The following SHISAL2B variants were observed in gnomAD, a reference collection of about 807,000 sequenced individuals.
SHISAL2B encodes the protein shisa like 2B, also known as protein shisa-like-2B.
A neutral mutation model predicts 16.5 loss-of-function variants in SHISAL2B; 12 were observed. That is an observed-to-expected ratio of 0.73 (90% confidence interval 0.47 to 1.18). The LOEUF (loss-of-function observed/expected upper bound fraction) is 1.18. Ranked by LOEUF, SHISAL2B falls within the 50% of genes most tolerant of loss-of-function variation. The pLI, the probability that SHISAL2B is intolerant of heterozygous loss-of-function variation, is 0.00. For missense variants in SHISAL2B, 183 were observed against 193.6 expected, an observed-to-expected ratio of 0.95 and a Z score of 0.33; for synonymous variants, 72 against 75.0, an observed-to-expected ratio of 0.96 and a Z score of 0.21.
chr5:64,696,748 C>T (rs930564681), intron 2 of SHISAL2B, among the ~76,000 whole-genome samples: 9 of 152,278 alleles, frequency 5.9e-5, no homozygotes, highest in African/African-American at 2.2e-4. Context: ...GCTCTCGAAC[C>T]CTGTTTTCTG....
chr5:64,694,243 A>C (rs1741696766), intron 1 of SHISAL2B: 1 of 360,916 alleles, frequency 2.8e-6, no homozygotes, highest in Non-Finnish European at 5.4e-6. Flanking sequence ...ACATTTATTG[A>C]ACATTTTCTA....
chr5:64,695,356 T>G, intron 1 of SHISAL2B, 151 bp from the exon 2 acceptor site: 2 of 510,774 alleles, frequency 3.9e-6, no homozygotes, highest in Non-Finnish European at 6.6e-6. Flanking sequence ...AAAGGTGAAC[T>G]GTAGATTTCA....
At chr5:64,703,189 C>T (rs1213236412) in intron 2 of SHISAL2B, among the ~76,000 whole-genome samples, 2 of 152,138 alleles carry the variant, frequency 1.3e-5, no homozygotes, top group South Asian at 2.1e-4. Flanking sequence ...ATAGCCTTAA[C>T]GTCCTTTCAG....
At chr5:64,700,902 T>C (rs1436426471) in intron 2 of SHISAL2B, among the ~76,000 whole-genome samples, 1 of 152,128 alleles carries the variant, frequency 6.6e-6, no homozygotes, top group Non-Finnish European at 1.5e-5. Flanking sequence ...CAGTTCACAA[T>C]AGGGTTCATG....
intron 2 of SHISAL2B, among the ~76,000 whole-genome samples, chr5:64,711,244 T>C (rs1317853488): frequency 7.0e-6 from 1 of 142,418 alleles, no homozygotes; most frequent in Non-Finnish European, 1.5e-5. Flanking sequence ...GTTTTTAGCA[T>C]GAAGGGTTGT....
chr5:64,704,239 T>G (rs915543925), intron 2 of SHISAL2B, among the ~76,000 whole-genome samples: 15 of 152,210 alleles, frequency 9.9e-5, no homozygotes, highest in African/African-American at 3.6e-4. Context: ...CCAACATTCT[T>G]TTGATATTTT....
At chr5:64,716,200 G>C (rs1237219029) in intron 2 of SHISAL2B, among the ~76,000 whole-genome samples, 2 of 152,102 alleles carry the variant, frequency 1.3e-5, no homozygotes, top group African/African-American at 4.8e-5. Context: ...TCACTAAAAG[G>C]TGTTAATGTC....
At chr5:64,693,109 G>A (rs868542183) in intron 1 of SHISAL2B, among the ~76,000 whole-genome samples, 4 of 151,760 alleles carry the variant, frequency 2.6e-5, no homozygotes, top group Non-Finnish European at 5.9e-5. Flanking sequence ...CCGGGTTCAC[G>A]CCATTCTCCT....
At chr5:64,699,419 G>A (rs939571883) in intron 2 of SHISAL2B, among the ~76,000 whole-genome samples, 7 of 152,182 alleles carry the variant, frequency 4.6e-5, no homozygotes, top group Admixed American at 6.5e-5. Context: ...TGTACCCTTC[G>A]TTAAATATGC....
rs140851030 is a variant in SHISAL2B at position 64,692,147 on chromosome 5, T to G, written c.191+1333T>G. ...GGAAGAAATCTATATTGCACTGGTTTATTATCTGGCCTTTTGGAAAATAAC... is the reference window on the plus strand; with the variant it reads ...GGAAGAAATCTATATTGCACTGGTTGATTATCTGGCCTTTTGGAAAATAAC... On this transcript the variant is annotated intron_variant, in intron 1 of 2. Coordinates refer to ENST00000389074, the MANE Select transcript of SHISAL2B (RefSeq NM_001164442.2). Among the ~76,000 whole-genome samples, 33 of 152,304 alleles carry G rather than the reference T, an allele frequency of 2.2e-4. 1 individual carries two copies. The highest frequency in any genetic ancestry group is 7.7e-4 in the African/African-American group (32 of 41,564).
intron 2 of SHISAL2B, among the ~76,000 whole-genome samples, chr5:64,714,049 C>G (rs2112073751): frequency 2.0e-5 from 3 of 147,392 alleles, no homozygotes; most frequent in African/African-American, 7.9e-5. Flanking sequence ...TCGTCAAAAT[C>G]ATTCTCCATC....
In SHISAL2B at chr5:64,695,611, G is replaced by A; in HGVS notation, c.296G>A (p.Arg99Lys). Residue 99 changes from arginine (R) to lysine (K), a missense_variant, in exon 2 of 3, where the codon AGA becomes AAA. Transcript: ENST00000389074. The part of the protein sequence containing the change: ...CYLFLYTKPQ[R>K]LDTGLKLQHL... Reference sequence around the variant, plus strand: ...TTATTTCTGTATACGAAACCTCAAAGATTAGACACTGGCCTTAAGCTTCAA... The same window carrying A: ...TTATTTCTGTATACGAAACCTCAAAAATTAGACACTGGCCTTAAGCTTCAA... The A allele has an allele frequency of 6.5e-7, 1 of 1,536,692 alleles. No individual in the cohort carries two copies. Among genetic ancestry groups the A allele is most frequent in the Non-Finnish European group, 8.7e-7 (1 of 1,146,602 alleles).
At chr5:64,712,805 G>T (rs1487940355) in intron 2 of SHISAL2B, among the ~76,000 whole-genome samples, 3 of 151,584 alleles carry the variant, frequency 2.0e-5, no homozygotes, top group African/African-American at 7.3e-5. Context: ...GGCCTTCTTT[G>T]TCTCTTTTGA....
chr5:64,696,730 G>T (rs569766439), intron 2 of SHISAL2B, among the ~76,000 whole-genome samples: 2 of 152,224 alleles, frequency 1.3e-5, no homozygotes, highest in South Asian at 4.2e-4. Context: ...AGGTCAGACC[G>T]GTTCTCTGCT....
At chr5:64,697,818 T>C (rs1741759047) in intron 2 of SHISAL2B, among the ~76,000 whole-genome samples, 1 of 152,232 alleles carries the variant, frequency 6.6e-6, no homozygotes, top group Non-Finnish European at 1.5e-5. Flanking sequence ...TTTAGCTGCA[T>C]CCTAAAACTT....
intron 2 of SHISAL2B, among the ~76,000 whole-genome samples, 178 bp from the exon 3 acceptor site, chr5:64,717,711 C>T (rs1742076854): frequency 6.6e-6 from 1 of 152,124 alleles, no homozygotes; most frequent in Non-Finnish European, 1.5e-5. Flanking sequence ...CCTTATTTGA[C>T]TTTCATAAGG....
chr5:64,705,381 T>C (rs918814130), intron 2 of SHISAL2B, among the ~76,000 whole-genome samples: 1 of 152,114 alleles, frequency 6.6e-6, no homozygotes, highest in Non-Finnish European at 1.5e-5. Flanking sequence ...AAACCCCAAA[T>C]TGGTTATGAC....
intron 2 of SHISAL2B, among the ~76,000 whole-genome samples, chr5:64,706,939 T>C (rs1032825877): frequency 6.6e-6 from 1 of 152,142 alleles, no homozygotes; most frequent in Non-Finnish European, 1.5e-5. Flanking sequence ...TTTTGGAGAC[T>C]TGTAGCCTGG....
intron 2 of SHISAL2B, among the ~76,000 whole-genome samples, chr5:64,716,354 T>C (rs1742051200): frequency 6.6e-6 from 1 of 152,210 alleles, no homozygotes; most frequent in Admixed American, 6.5e-5. Flanking sequence ...ACTCAACTAA[T>C]ATTTATTGAA....
Sources: gnomAD v4.1 joint callset for allele counts (sites outside exome capture counted in the v4.1 genomes callset) on GRCh38, gnomAD v4.1.1 for gene constraint, MANE v1.5 for transcripts, NCBI Gene and HGNC (gene_info 2026-07-23, HGNC 2026-07-21) for gene names.